CPEB3: variants seen among roughly 807,000 people sequenced by gnomAD.
CPEB3 encodes cytoplasmic polyadenylation element-binding protein 3.
A neutral mutation model predicts 67.2 loss-of-function variants in CPEB3; 20 were observed. The observed-to-expected ratio is 0.30, with a 90% CI of 0.21 to 0.43. The LOEUF is 0.43. CPEB3 is among the 20% of genes least tolerant of loss of function. CPEB3 has a pLI of 1.00. For missense variants in CPEB3, 746 were observed against 968.6 expected (o/e 0.77, Z 3.05); for synonymous variants, 376 against 393.1 (o/e 0.96, Z 0.51).
chr10:92,199,576 C>T (rs776426808), intron 2 of CPEB3, among the ~76,000 whole-genome samples: 2 of 148,212 alleles, frequency 1.3e-5, no homozygotes, highest in African/African-American at 2.5e-5. Context: ...CCCAACTACT[C>T]GGGAGGCTGA....
intron 8 of CPEB3, among the ~76,000 whole-genome samples, chr10:92,081,901 C>T (rs549953308): frequency 5.5e-4 from 83 of 152,220 alleles, no homozygotes; most frequent in African/African-American, 1.5e-3. Flanking sequence ...ACCTCTAAGA[C>T]TAAAAGCAAT....
chr10:92,159,376 A>G (rs777193578), intron 4 of CPEB3, among the ~76,000 whole-genome samples: 1 of 151,998 alleles, frequency 6.6e-6, no homozygotes, highest in African/African-American at 2.4e-5. Context: ...TAAGCATTAA[A>G]GAAAACTATT....
intron 9 of CPEB3, among the ~76,000 whole-genome samples, chr10:92,069,516 G>T (rs956505241): frequency 3.3e-5 from 5 of 152,036 alleles, no homozygotes; most frequent in African/African-American, 9.7e-5. Context: ...TGATTCTCCT[G>T]CCGTAGCCTC....
chr10:92,145,589 C>T (rs572674592), intron 4 of CPEB3, among the ~76,000 whole-genome samples: 1 of 149,846 alleles, frequency 6.7e-6, no homozygotes, highest in Non-Finnish European at 1.5e-5. Flanking sequence ...GAGCCAAGAT[C>T]GTGCCATTGC....
intron 2 of CPEB3, among the ~76,000 whole-genome samples, chr10:92,198,633 G>A (rs1849354129): frequency 6.6e-6 from 1 of 152,190 alleles, no homozygotes; most frequent in Non-Finnish European, 1.5e-5. Flanking sequence ...GGAACCAAAT[G>A]ATAAAATTAA....
At chr10:92,289,732 A>ATATATATATATATAT (rs1554944314) in intron 1 of CPEB3, among the ~76,000 whole-genome samples, 5 of 75,768 alleles carry the variant, frequency 6.6e-5, no homozygotes, top group African/African-American at 2.6e-4. Context: ...AAAAAAAAAA[A>ATATATATATATATAT]ATATATATAT....
At chr10:92,269,922 G>A (rs376018432) in intron 1 of CPEB3, among the ~76,000 whole-genome samples, 1 of 150,186 alleles carries the variant, frequency 6.7e-6, no homozygotes, top group East Asian at 2.0e-4. Flanking sequence ...TCGGTGATAC[G>A]ACAGAAAAGG....
Position 92,098,160 on chromosome 10 carries a change from T to TA in CPEB3, c.1573-6217dup, listed in dbSNP as rs1166249584. ...TGGGCAACAAGAGTGACACTCTGCC[T>TA]AAAAAAAAAAAAAAAAAAAAAAAAA... On this transcript the variant is annotated intron_variant, in intron 7 of 9. Transcript: ENST00000265997. Among the ~76,000 whole-genome samples the TA allele has an allele frequency of 1.3e-3, 47 of 36,126 alleles. 3 individuals carry two copies. Among genetic ancestry groups the TA allele is most frequent in the East Asian group, 0.011 (10 of 950 alleles). The allele number at this position is 36,126 out of a possible 152,430, so 23.7% of individuals were successfully genotyped here.
chr10:92,265,713 C>G (rs897150639), intron 1 of CPEB3, among the ~76,000 whole-genome samples: 1 of 148,754 alleles, frequency 6.7e-6, no homozygotes, highest in Non-Finnish European at 1.5e-5. Flanking sequence ...CATGCCATTG[C>G]ACTCAGCCTG....
intron 9 of CPEB3, among the ~76,000 whole-genome samples, chr10:92,065,948 T>A (rs377402853): frequency 2.0e-5 from 3 of 151,810 alleles, no homozygotes; most frequent in Non-Finnish European, 1.5e-5. Flanking sequence ...ACACAAAAAA[T>A]TGGCCAGGCG....
intron 2 of CPEB3, among the ~76,000 whole-genome samples, chr10:92,199,181 C>T (rs1190091196): frequency 4.6e-5 from 7 of 150,938 alleles, no homozygotes; most frequent in African/African-American, 1.5e-4. Flanking sequence ...CACCTGAGGT[C>T]GGGAGTTCGA....
chr10:92,270,736 G>C (rs867151535), intron 1 of CPEB3, among the ~76,000 whole-genome samples: 11 of 78,222 alleles, frequency 1.4e-4, no homozygotes, highest in African/African-American at 3.6e-4. Context: ...CTAATTTCTG[G>C]GGTGCTTTTT....
intron 2 of CPEB3, among the ~76,000 whole-genome samples, chr10:92,217,571 G>C (rs1850489553): frequency 6.6e-6 from 1 of 152,114 alleles, no homozygotes; most frequent in African/African-American, 2.4e-5. Flanking sequence ...AGACCAGCAT[G>C]ACCAACATGG....
At chr10:92,197,395 A>G (rs1278546936) in intron 2 of CPEB3, among the ~76,000 whole-genome samples, 1 of 152,242 alleles carries the variant, frequency 6.6e-6, no homozygotes, top group African/African-American at 2.4e-5. Flanking sequence ...AGTGGAATTC[A>G]TCAACAGAAA....
chr10:92,223,396 T>C (rs952057402), intron 2 of CPEB3, among the ~76,000 whole-genome samples: 5 of 152,206 alleles, frequency 3.3e-5, no homozygotes, highest in African/African-American at 4.8e-5. Context: ...ACCCACCTGA[T>C]TTACGAGTCA....
chr10:92,052,545 C>A, intron 9 of CPEB3, 106 bp from the exon 10 acceptor site: 2 of 939,144 alleles, frequency 2.1e-6, no homozygotes, highest in Non-Finnish European at 3.2e-6. Flanking sequence ...CTCAATCAGA[C>A]GCTGCTTTCA....
rs397845791 is a variant in CPEB3 at position 92,104,379 on chromosome 10, C to CT, written c.1572+6696dup. On this transcript the variant is annotated intron_variant, in intron 7 of 9. Transcript: ENST00000265997. ...ACCATTTAGTACAATGGAAATGCAACTTTTTTTTTTTTTTTTTTTTTGAGA... is the reference window on the plus strand; with the variant it reads ...ACCATTTAGTACAATGGAAATGCAACTTTTTTTTTTTTTTTTTTTTTTGAGA... 5.5e-3 allele frequency among the ~76,000 whole-genome samples: 697 copies of CT among 127,194 alleles called. 12 individuals carry two copies. Among genetic ancestry groups the CT allele is most frequent in the African/African-American group, 8.4e-3 (280 of 33,358 alleles). 83.4% of individuals were successfully genotyped at this position (127,194 alleles called of 152,430 possible). A position where few individuals can be genotyped will look rare whatever the true frequency, so the allele number is the denominator to read the frequency against.
At chr10:92,284,266 T>C (rs1037951598) in intron 1 of CPEB3, among the ~76,000 whole-genome samples, 2 of 149,846 alleles carry the variant, frequency 1.3e-5, no homozygotes, top group African/African-American at 4.9e-5. Context: ...CTCCATCTCT[T>C]GACCTCGTCA....
chr10:92,135,040 A>G (rs1386308691), intron 6 of CPEB3, among the ~76,000 whole-genome samples: 1 of 152,220 alleles, frequency 6.6e-6, no homozygotes, highest in East Asian at 1.9e-4. Flanking sequence ...CTTAAATGTT[A>G]GACCTAAAAC....
Sources: gnomAD v4.1 joint callset for allele counts (sites outside exome capture counted in the v4.1 genomes callset) on GRCh38, gnomAD v4.1.1 for gene constraint, MANE v1.5 for transcripts, NCBI Gene and HGNC (gene_info 2026-07-23, HGNC 2026-07-21) for gene names.